WDR19: variants seen among roughly 807,000 people sequenced by gnomAD.
The protein encoded by WDR19 is WD repeat-containing protein 19.
WDR19 carries 121 observed loss-of-function variants against 180.0 expected under a neutral mutation model. The observed-to-expected ratio is 0.67, with a 90% CI of 0.58 to 0.78. The LOEUF (loss-of-function observed/expected upper bound fraction) is 0.78, where lower values mean the gene tolerates loss of function less well. Among genes scored for constraint, WDR19 ranks in the 30% least tolerant of loss-of-function variants. WDR19 has a pLI of 0.00. For missense variants in WDR19, 1,450 were observed against 1,640.7 expected (o/e 0.88, Z 2.01); for synonymous variants, 497 against 540.7 (o/e 0.92, Z 1.12).
At chr4:39,188,208 A>G (rs567580430) in intron 3 of WDR19, among the ~76,000 whole-genome samples, 2 of 152,298 alleles carry the variant, frequency 1.3e-5, no homozygotes, top group Non-Finnish European at 2.9e-5. Flanking sequence ...AATATTTAAT[A>G]CCAAGATGAA....
At chr4:39,253,099 C>A in intron 24 of WDR19, 47 bp from the exon 25 acceptor site, 1 of 1,516,450 alleles carries the variant, frequency 6.6e-7, no homozygotes. Flanking sequence ...ATTTTCTCCC[C>A]AAATTGACAG....
chr4:39,234,901 A>G, intron 20 of WDR19, 26 bp downstream of exon 20: 1 of 1,434,782 alleles, frequency 7.0e-7, no homozygotes, highest in Non-Finnish European at 9.6e-7. Flanking sequence ...TATACATTTC[A>G]GTCAGTAGCT....
At chr4:39,279,840 C>CT (rs1736290203) in intron 36 of WDR19, among the ~76,000 whole-genome samples, 1 of 151,798 alleles carries the variant, frequency 6.6e-6, no homozygotes, top group Admixed American at 6.6e-5. Flanking sequence ...GTAGCTAGGA[C>CT]TACAGGCGTG....
chr4:39,257,612 A>G (rs1733889685), intron 28 of WDR19, 58 bp downstream of exon 28: 1 of 1,488,136 alleles, frequency 6.7e-7, no homozygotes, highest in Admixed American at 2.0e-5. Flanking sequence ...AACTTCTTGA[A>G]AAAAATTTTA....
At chr4:39,265,109 G>A (rs1734661458) in intron 28 of WDR19, among the ~76,000 whole-genome samples, 2 of 151,812 alleles carry the variant, frequency 1.3e-5, no homozygotes, top group African/African-American at 4.8e-5. Context: ...AGGAGAGATA[G>A]GATCTCGTCA....
At position 39,242,906 on chromosome 4, in the gene WDR19, GA is replaced by G. The variant is rs1378982133; in HGVS notation, c.2422-1341del. 2.0e-5 allele frequency among the ~76,000 whole-genome samples: 3 copies of G among 152,076 alleles called. No homozygotes were observed. In the East Asian group the frequency reaches 5.8e-4, roughly 30 times the overall value. On this transcript the variant is annotated intron_variant, in intron 21 of 36. Coordinates refer to ENST00000399820, the MANE Select transcript of WDR19 (RefSeq NM_025132.4). Reference sequence around the variant, plus strand: ...TGGTCTTGAACTCCTGGCCTCAAGTGATCCGCCCACCTCAGCCTCCCAAAGT... The same window carrying G: ...TGGTCTTGAACTCCTGGCCTCAAGTGTCCGCCCACCTCAGCCTCCCAAAGT...
intron 9 of WDR19, among the ~76,000 whole-genome samples, chr4:39,213,996 A>AG (rs1165427769): frequency 6.6e-6 from 1 of 152,198 alleles, no homozygotes; most frequent in African/African-American, 2.4e-5. Context: ...GGAGAAAAGG[A>AG]GGTTAGGAGG....
intron 9 of WDR19, 68 bp downstream of exon 9, chr4:39,205,804 T>G (rs1727891385): frequency 7.4e-7 from 1 of 1,344,372 alleles, no homozygotes. Flanking sequence ...AGCCAAACTT[T>G]GTTAGCTAAT....
chr4:39,251,594 AT>A (rs1297471356), intron 24 of WDR19, among the ~76,000 whole-genome samples: 1 of 152,140 alleles, frequency 6.6e-6, no homozygotes, highest in African/African-American at 2.4e-5. Context: ...ATGGGAGAAA[AT>A]TTTTGCAACC....
At chr4:39,271,212 A>C (rs1399410184) in intron 31 of WDR19, among the ~76,000 whole-genome samples, 1 of 152,234 alleles carries the variant, frequency 6.6e-6, no homozygotes, top group Non-Finnish European at 1.5e-5. Context: ...AGAATTTTTT[A>C]AAAATTCGTC....
At chr4:39,197,473 T>C (rs987879943) in intron 5 of WDR19, among the ~76,000 whole-genome samples, 1 of 150,732 alleles carries the variant, frequency 6.6e-6, no homozygotes, top group Non-Finnish European at 1.5e-5. Flanking sequence ...AAAGGTTAAG[T>C]AACTTACGCA....
At chr4:39,247,113 G>C (rs564059071) in intron 24 of WDR19, among the ~76,000 whole-genome samples, 1 of 151,054 alleles carries the variant, frequency 6.6e-6, no homozygotes, top group African/African-American at 2.4e-5. Context: ...CAGTAGGGGC[G>C]GACTGACACC....
intron 8 of WDR19, 78 bp from the exon 9 acceptor site, chr4:39,205,485 A>G (rs550273122): frequency 6.9e-7 from 1 of 1,451,854 alleles, no homozygotes; most frequent in Admixed American, 2.4e-5. Flanking sequence ...CCTTAATTTT[A>G]AGGTACTTGC....
intron 20 of WDR19, among the ~76,000 whole-genome samples, chr4:39,238,730 C>T (rs938748215): frequency 6.6e-6 from 1 of 152,076 alleles, no homozygotes; most frequent in Non-Finnish European, 1.5e-5. Context: ...GTGAATGAGG[C>T]TTAGAGAGGT....
intron 24 of WDR19, among the ~76,000 whole-genome samples, chr4:39,252,110 A>G (rs868802652): frequency 3.3e-5 from 5 of 151,990 alleles, no homozygotes; most frequent in African/African-American, 1.2e-4. Flanking sequence ...AACCAACCCA[A>G]ATGTCCAACA....
intron 33 of WDR19, among the ~76,000 whole-genome samples, chr4:39,276,474 ACCTGCTAG>A (rs1735907582): frequency 6.6e-6 from 1 of 152,152 alleles, no homozygotes; most frequent in Non-Finnish European, 1.5e-5. Context: ...CCAATATGGT[ACCTGCTAG>A]CCACATGTGG....
In WDR19 at chr4:39,285,765, T is replaced by TAAC. The variant is rs1191467681; in HGVS notation, c.*293_*295dup. 2 of 152,260 alleles carry TAAC rather than the reference T, an allele frequency of 1.3e-5. No individual in the cohort carries two copies. Among genetic ancestry groups the TAAC allele is most frequent in the Non-Finnish European group, 2.9e-5 (2 of 68,044 alleles). 9.4% of individuals were successfully genotyped at this position (152,260 alleles called of 1,614,324 possible). On this transcript the variant is annotated 3_prime_UTR_variant, in exon 37 of 37. Coordinates refer to ENST00000399820, the MANE Select transcript of WDR19 (RefSeq NM_025132.4). ...TAATTGTAAATATTCAGCTTTTTGCTAACTTTTGTATTTTGAAAAACTTTA... is the reference window on the plus strand; with the variant it reads ...TAATTGTAAATATTCAGCTTTTTGCTAACAACTTTTGTATTTTGAAAAACTTTA...
chr4:39,247,112 C>T (rs1193186758), intron 24 of WDR19, among the ~76,000 whole-genome samples: 2 of 152,136 alleles, frequency 1.3e-5, no homozygotes, highest in African/African-American at 2.4e-5. Flanking sequence ...CCAGTAGGGG[C>T]GGACTGACAC....
At chr4:39,265,696 G>A (rs932973980) in intron 28 of WDR19, among the ~76,000 whole-genome samples, 2 of 150,678 alleles carry the variant, frequency 1.3e-5, no homozygotes, top group African/African-American at 2.4e-5. Flanking sequence ...CACTTGAACC[G>A]GGGAGGCGGA....
Sources: gnomAD v4.1 joint callset for allele counts (sites outside exome capture counted in the v4.1 genomes callset) on GRCh38, gnomAD v4.1.1 for gene constraint, MANE v1.5 for transcripts, NCBI Gene and HGNC (gene_info 2026-07-23, HGNC 2026-07-21) for gene names.